Variants in COL6A5 observed in about 807,000 individuals in gnomAD.
COL6A5 encodes collagen type VI alpha 5 chain, also known as collagen alpha-5(VI) chain.
COL6A5 carries 48 observed loss-of-function variants against 65.6 expected under a neutral mutation model. That is an observed-to-expected ratio of 0.73 (90% CI 0.58 to 0.93). The LOEUF (loss-of-function observed/expected upper bound fraction) is 0.93, where lower values mean the gene tolerates loss of function less well. Ranked by LOEUF, COL6A5 falls within the 40% of genes least tolerant of loss-of-function variation. COL6A5 has a pLI of 0.00. For synonymous variants in COL6A5, 291 were observed against 322.8 expected (o/e 0.90, Z 1.05); for missense variants, 914 against 928.3 (o/e 0.98, Z 0.20).
At position 130,422,704 on chromosome 3, in the gene COL6A5, A is replaced by AT; in HGVS notation, c.5038-15dup. On this transcript the variant is annotated splice_polypyrimidine_tract_variant and intron_variant and NMD_transcript_variant, in intron 27 of 41. Coordinates refer to the COL6A5 transcript ENST00000312481. Reference sequence around the variant, plus strand: ...AAATACTTTAACATCTTGACTTTTTATATCTGAATCTTCAGGGTGATATTG... The same window carrying AT: ...AAATACTTTAACATCTTGACTTTTTATTATCTGAATCTTCAGGGTGATATTG... 6.7e-7 allele frequency: 1 copy of AT among 1,500,768 alleles called. No individual in the cohort carries two copies. Among genetic ancestry groups the AT allele is most frequent in the Non-Finnish European group, 9.0e-7 (1 of 1,110,270 alleles). 93.0% of individuals were successfully genotyped at this position (1,500,768 alleles called of 1,614,324 possible).
chr3:130,436,470 A>G (rs1709037680), intron 1 of COL6A5, among the ~76,000 whole-genome samples: 1 of 151,926 alleles, frequency 6.6e-6, no homozygotes. Context: ...CATTGTCTAT[A>G]TTTGCTGTCT....
rs779550376 is a variant in COL6A5, at chr3:130,468,910, AG to A, written c.1662del (p.Gly555GlufsTer8). 1.2e-6 allele frequency: 2 copies of A among 1,612,378 alleles called. No individual in the cohort carries two copies. The highest frequency in any genetic ancestry group is 3.3e-5 in the Admixed American group (2 of 59,778). The stretch of plus-strand genomic sequence containing the variant: ...TCCTCATAGATGCTTCCCAAAGAGT[AG>A]GAAGTGATGAGTTTAAGGAAGTAAA... On this transcript the variant is annotated frameshift_variant, in exon 6 of 8. Transcript: ENST00000512836. LOFTEE classifies it high-confidence loss of function.
intron 7 of COL6A5, among the ~76,000 whole-genome samples, chr3:130,480,058 T>C (rs990793613): frequency 3.3e-5 from 5 of 152,052 alleles, no homozygotes; most frequent in African/African-American, 1.2e-4. Context: ...TAAAACTCCT[T>C]CAAGATCCAT....
intron 7 of COL6A5, among the ~76,000 whole-genome samples, chr3:130,393,861 G>C (rs1161421074): frequency 6.6e-6 from 1 of 152,212 alleles, no homozygotes; most frequent in Non-Finnish European, 1.5e-5. Flanking sequence ...CCTTTGGCAA[G>C]GCATCTCTCT....
In COL6A5 at chr3:130,379,268, T is replaced by A. The variant is rs567804737; in HGVS notation, c.668-150T>A. ...ACCTTGTAAGTCTTGTTTAGAATTTTGATTTTTTGTTCACTAAAAGAAAAC... is the reference window on the plus strand; with the variant it reads ...ACCTTGTAAGTCTTGTTTAGAATTTAGATTTTTTGTTCACTAAAAGAAAAC... On this transcript the variant is annotated intron_variant and NMD_transcript_variant, in intron 3 of 41. Transcript: ENST00000312481. 1.9e-4 allele frequency: 142 copies of A among 745,776 alleles called. 1 individual carries two copies. In the East Asian group the frequency reaches 3.9e-3, roughly 20 times the overall value. 46.2% of individuals were successfully genotyped at this position (745,776 alleles called of 1,614,324 possible).
chr3:130,483,057 G>C (rs995216469), intron 7 of COL6A5, among the ~76,000 whole-genome samples: 1 of 152,142 alleles, frequency 6.6e-6, no homozygotes, highest in Non-Finnish European at 1.5e-5. Context: ...CCAGAAGAGA[G>C]TGGGGGCCAA....
chr3:130,448,813 G>A (rs1447726918), intron 4 of COL6A5, among the ~76,000 whole-genome samples: 2 of 152,132 alleles, frequency 1.3e-5, no homozygotes, highest in African/African-American at 2.4e-5. Flanking sequence ...GCAGGCTCCT[G>A]ATTATTGATA....
At chr3:130,400,946 T>C in intron 10 of COL6A5, 85 bp from the exon 11 acceptor site, 1 of 1,108,896 alleles carries the variant, frequency 9.0e-7, no homozygotes, top group Non-Finnish European at 1.2e-6. Context: ...CTTTAAATCA[T>C]GTTCACTGAG....
intron 20 of COL6A5, among the ~76,000 whole-genome samples, chr3:130,411,938 A>G (rs1294483280): frequency 3.9e-5 from 6 of 152,068 alleles, no homozygotes; most frequent in South Asian, 2.1e-4. Flanking sequence ...CCTCTCCCCA[A>G]CTTTCCGACG....
chr3:130,449,345 T>C (rs1323230825), intron 4 of COL6A5, among the ~76,000 whole-genome samples: 1 of 152,162 alleles, frequency 6.6e-6, no homozygotes, highest in East Asian at 1.9e-4. Flanking sequence ...CATCATATGC[T>C]GACTGGGAGC....
chr3:130,385,464 G>A (rs575732675), intron 5 of COL6A5, 100 bp downstream of exon 5: 80 of 1,234,304 alleles, frequency 6.5e-5, no homozygotes, highest in African/African-American at 1.5e-4. Context: ...CCAGTTGTCC[G>A]GATAACATTT....
chr3:130,369,690 C>G (rs1577435822), intron 1 of COL6A5, among the ~76,000 whole-genome samples: 1 of 152,240 alleles, frequency 6.6e-6, no homozygotes, highest in Non-Finnish European at 1.5e-5. Context: ...CATGATTATT[C>G]ATTAGTCTAT....
At chr3:130,410,032 C>T (rs1559886763) in exon 19 of COL6A5, 4 of 1,549,584 alleles carry the variant, frequency 2.6e-6, no homozygotes, top group Non-Finnish European at 3.5e-6. Flanking sequence ...AAAACAATAA[C>T]ATCAAAGGAC....
intron 5 of COL6A5, among the ~76,000 whole-genome samples, chr3:130,466,177 C>T (rs1709811415): frequency 6.6e-6 from 1 of 151,972 alleles, no homozygotes; most frequent in Non-Finnish European, 1.5e-5. Context: ...ATAATCTTTT[C>T]AAGTGCACAT....
At chr3:130,467,768 G>A (rs891355141) in intron 5 of COL6A5, among the ~76,000 whole-genome samples, 2 of 151,788 alleles carry the variant, frequency 1.3e-5, no homozygotes, top group African/African-American at 2.4e-5. Flanking sequence ...CTCATTTGTT[G>A]TTGTGAGAAT....
upstream of COL6A5, among the ~76,000 whole-genome samples, chr3:130,429,019 A>G (rs575101569): frequency 9.8e-4 from 150 of 152,318 alleles, no homozygotes; most frequent in African/African-American, 3.5e-3. Context: ...TGTTTTGCTC[A>G]GGAGAAACGC....
chr3:130,452,698 T>C (rs1709474958), intron 4 of COL6A5, among the ~76,000 whole-genome samples: 1 of 152,182 alleles, frequency 6.6e-6, no homozygotes, highest in African/African-American at 2.4e-5. Context: ...GATAACATCT[T>C]ATCAGGAGAC....
intron 10 of COL6A5, among the ~76,000 whole-genome samples, chr3:130,400,304 A>G (rs993042158): frequency 6.6e-6 from 1 of 152,220 alleles, no homozygotes; most frequent in South Asian, 2.1e-4. Flanking sequence ...CAGAGCAACT[A>G]TCTGATTCTT....
intron 3 of COL6A5, among the ~76,000 whole-genome samples, chr3:130,379,209 G>A (rs1179247276): frequency 4.0e-5 from 6 of 151,702 alleles, no homozygotes; most frequent in African/African-American, 1.4e-4. Context: ...ATTCTTCAGA[G>A]GGAACAGCAT....
Sources: gnomAD v4.1 joint callset for allele counts (sites outside exome capture counted in the v4.1 genomes callset) on GRCh38, gnomAD v4.1.1 for gene constraint, MANE v1.5 for transcripts, NCBI Gene and HGNC (gene_info 2026-07-23, HGNC 2026-07-21) for gene names.